Variants in FRMPD4 observed in about 807,000 individuals in gnomAD.
The protein encoded by FRMPD4 is FERM and PDZ domain-containing protein 4.
FRMPD4 carries 22 observed loss-of-function variants against 94.1 expected under a neutral mutation model. The ratio of observed to expected loss-of-function variants is 0.23; its 90% confidence interval spans 0.17 to 0.33. The LOEUF (loss-of-function observed/expected upper bound fraction) is 0.33. Ranked by LOEUF, FRMPD4 falls within the 10% of genes least tolerant of loss-of-function variation. FRMPD4 has a pLI of 1.00. For missense variants in FRMPD4, 1,111 were observed against 1,339.9 expected, an observed-to-expected ratio of 0.83 and a Z score of 2.67; for synonymous variants, 631 against 548.6, an observed-to-expected ratio of 1.15 and a Z score of -2.10.
At chrX:12,222,067 A>T (rs2056874680) in intron 1 of FRMPD4, among the ~76,000 whole-genome samples, 1 of 112,157 alleles carries the variant, frequency 8.9e-6, no homozygotes, top group African/African-American at 3.2e-5. Context: ...GTGTGGTGAC[A>T]CATGCCTTTA....
At chrX:11,870,232 C>A (rs1331438235) in intron 2 of FRMPD4, among the ~76,000 whole-genome samples, 3 of 111,705 alleles carry the variant, frequency 2.7e-5, no homozygotes, top group African/African-American at 9.8e-5. Flanking sequence ...ACCATGATCC[C>A]ACTTGATGAT....
intron 3 of FRMPD4, among the ~76,000 whole-genome samples, chrX:12,003,465 G>C (rs1261788528): frequency 3.6e-5 from 4 of 111,327 alleles, no homozygotes; most frequent in African/African-American, 9.8e-5. Context: ...TCATGCTGGA[G>C]TGTGGTGGCA....
chrX:11,934,326 C>A (rs2054138656), intron 3 of FRMPD4, among the ~76,000 whole-genome samples: 1 of 111,822 alleles, frequency 8.9e-6, no homozygotes. Context: ...TACATAGAAA[C>A]AGGATGTTAT....
chrX:12,251,937 A>T, intron 1 of FRMPD4, among the ~76,000 whole-genome samples: 1 of 112,499 alleles, frequency 8.9e-6, no homozygotes, highest in Admixed American at 9.4e-5. Context: ...AAGTAGAGGA[A>T]AAATGGAACC....
chrX:11,864,988 G>A (rs953451524), intron 1 of FRMPD4, among the ~76,000 whole-genome samples: 10 of 111,885 alleles, frequency 8.9e-5, no homozygotes, highest in African/African-American at 3.2e-4. Context: ...GAAAATTTTT[G>A]CATTGAGTAA....
chrX:11,998,691 A>G (rs2054509186), intron 3 of FRMPD4, among the ~76,000 whole-genome samples: 1 of 112,234 alleles, frequency 8.9e-6, no homozygotes, highest in African/African-American at 3.2e-5. Context: ...TTTGTAGTCA[A>G]TCCATAAATC....
intron 3 of FRMPD4, among the ~76,000 whole-genome samples, chrX:12,038,306 G>A (rs915827389): frequency 1.4e-4 from 16 of 112,018 alleles, no homozygotes; most frequent in African/African-American, 5.2e-4. Flanking sequence ...GATATTTTCA[G>A]TCTTCTTCAT....
At chrX:11,948,497 A>G (rs1019355800) in intron 3 of FRMPD4, among the ~76,000 whole-genome samples, 1 of 111,798 alleles carries the variant, frequency 8.9e-6, no homozygotes, top group Non-Finnish European at 1.9e-5. Flanking sequence ...GTTGCTTGTA[A>G]GTCACCTAGT....
intron 1 of FRMPD4, among the ~76,000 whole-genome samples, chrX:12,187,967 C>G: frequency 9.0e-6 from 1 of 111,591 alleles, no homozygotes; most frequent in Non-Finnish European, 1.9e-5. Flanking sequence ...GTGAACACCC[C>G]AAACCAGCAT....
chrX:12,324,156 T>C (rs1057193578), intron 1 of FRMPD4, among the ~76,000 whole-genome samples: 1 of 112,327 alleles, frequency 8.9e-6, no homozygotes, highest in Non-Finnish European at 1.9e-5. Context: ...CTTTTAAGTA[T>C]TGAACCTAGG....
At chrX:12,641,009 C>T (rs747823462) in intron 4 of FRMPD4, among the ~76,000 whole-genome samples, 4 of 110,734 alleles carry the variant, frequency 3.6e-5, no homozygotes, top group Non-Finnish European at 7.6e-5. Context: ...ATAGTGAGAC[C>T]CTATCTCTAA....
chrX:12,280,247 A>AAAT (rs374670611), intron 1 of FRMPD4, among the ~76,000 whole-genome samples: 3,531 of 102,197 alleles, frequency 0.035, 63 homozygotes, highest in Non-Finnish European at 0.039. Context: ...GGCTGCTTTA[A>AAAT]AATAATAATA....
intron 1 of FRMPD4, among the ~76,000 whole-genome samples, chrX:12,484,132 G>A (rs57007846): frequency 2.5e-3 from 276 of 112,019 alleles, no homozygotes; most frequent in African/African-American, 8.7e-3. Flanking sequence ...TAGAGGCAAT[G>A]ACAGAAGATA....
In FRMPD4 at chrX:12,717,072, C is replaced by T. The variant is rs905614125; in HGVS notation, c.2613C>T (p.Ser871=). ...AGGGACTGGATAATGCCGTCGTCTCCACGCTGGGAGCTCTAGAGGCTCTAT... is the reference window on the plus strand; with the variant it reads ...AGGGACTGGATAATGCCGTCGTCTCTACGCTGGGAGCTCTAGAGGCTCTAT... The part of the protein sequence containing the change: ...CEKGLDNAVV[S]TLGALEALSV... Residue 871 remains serine (S), a synonymous_variant, in exon 15 of 17, where the codon TCC becomes TCT. Coordinates refer to ENST00000675598, the MANE Select transcript of FRMPD4 (RefSeq NM_001368397.1). 1 of 1,206,425 alleles carries T rather than the reference C, an allele frequency of 8.3e-7. No individual in the cohort carries two copies. Among genetic ancestry groups the T allele is most frequent in the African/African-American group, 1.7e-5 (1 of 57,896 alleles).
At chrX:12,079,686 C>T (rs1371088290) in intron 3 of FRMPD4, among the ~76,000 whole-genome samples, 2 of 111,953 alleles carry the variant, frequency 1.8e-5, no homozygotes, top group East Asian at 5.6e-4. Context: ...ATATTTTTCT[C>T]TAAGCCAAGG....
At chrX:12,139,724 AGCACTCCTCCAGGTCTTCTGCCCT>A (rs1248478556) in intron 1 of FRMPD4, among the ~76,000 whole-genome samples, 1 of 111,882 alleles carries the variant, frequency 8.9e-6, no homozygotes, top group African/African-American at 3.3e-5. Flanking sequence ...GCCTGGCCAG[AGCACTCCTCCAGGTCTTCTGCCCT>A]GCTTATGCTT....
intron 3 of FRMPD4, among the ~76,000 whole-genome samples, chrX:11,958,883 T>C (rs1336620398): frequency 8.9e-6 from 1 of 112,107 alleles, no homozygotes; most frequent in East Asian, 2.8e-4. Flanking sequence ...TGTGATAGTA[T>C]ATGAACAATA....
At chrX:12,478,875 T>C (rs2057637118) in intron 1 of FRMPD4, among the ~76,000 whole-genome samples, 1 of 111,672 alleles carries the variant, frequency 9.0e-6, no homozygotes, top group African/African-American at 3.2e-5. Context: ...AGGTGTAGAC[T>C]GAAAAGTCAT....
rs767237121 is a variant in FRMPD4, at chrX:12,710,432, A to G, written c.1504A>G (p.Met502Val). ...GCTTCTGATGGAATCCTCAGATGCCATGAACCTGGCCTGCTTGACGGCTGG... is the reference window on the plus strand; with the variant it reads ...GCTTCTGATGGAATCCTCAGATGCCGTGAACCTGGCCTGCTTGACGGCTGG... ...ITLLMESSDA[M>V]NLACLTAGYY... The change falls in exon 14 of 17, where the codon ATG becomes GTG. Residue 502 changes from methionine to valine, a missense_variant. Met to Val is a conservative substitution (Grantham distance 21). This residue lies in a region of FRMPD4 where 111 missense variants were observed against 160.7 expected (regional missense o/e 0.69). Transcript: ENST00000675598. 1 of 1,204,540 alleles carries G rather than the reference A, an allele frequency of 8.3e-7. No homozygotes were observed. The highest frequency in any genetic ancestry group is 1.1e-6 in the Non-Finnish European group (1 of 889,221).
Sources: allele counts gnomAD v4.1 joint callset (sites outside exome capture counted in the v4.1 genomes callset), GRCh38; gene constraint gnomAD v4.1.1; regional missense constraint gnomAD v4.1.1; transcripts MANE v1.5; gene names NCBI Gene and HGNC (gene_info 2026-07-23, HGNC 2026-07-21).